Variants in CPXM2 observed in about 807,000 individuals in gnomAD.
The protein encoded by CPXM2 is carboxypeptidase X, M14 family member 2, also known as inactive carboxypeptidase-like protein X2.
A neutral mutation model predicts 86.1 loss-of-function variants in CPXM2; 66 were observed. The ratio of observed to expected loss-of-function variants is 0.77; its 90% CI spans 0.63 to 0.94. The LOEUF is 0.94. CPXM2 is among the 40% of genes least tolerant of loss of function. The probability of loss-of-function intolerance (pLI) is 0.00; values close to 1 mark genes in which losing one functional copy is unlikely to be tolerated. For missense variants in CPXM2, 948 were observed against 1,026.3 expected (o/e 0.92, Z 1.04); for synonymous variants, 388 against 400.2 (o/e 0.97, Z 0.36).
chr10:123,787,044 C>T (rs1241111009), intron 6 of CPXM2, among the ~76,000 whole-genome samples: 1 of 152,102 alleles, frequency 6.6e-6, no homozygotes, highest in East Asian at 1.9e-4. Flanking sequence ...CCAGCTGGCC[C>T]AAAAACCGTG....
intron 4 of CPXM2, among the ~76,000 whole-genome samples, chr10:123,805,297 G>A (rs545442439): frequency 2.6e-5 from 4 of 151,900 alleles, no homozygotes; most frequent in Admixed American, 2.0e-4. Flanking sequence ...GCTTCTTGAG[G>A]TCACTGATTG....
intron 3 of CPXM2, among the ~76,000 whole-genome samples, chr10:123,851,736 T>C (rs1221272738): frequency 7.5e-6 from 1 of 132,588 alleles, no homozygotes; most frequent in East Asian, 2.2e-4. Context: ...GCCACTACAC[T>C]CCAGCCTGGG....
At chr10:123,938,952 C>A (rs1329048680) in intron 2 of CPXM2, among the ~76,000 whole-genome samples, 1 of 152,102 alleles carries the variant, frequency 6.6e-6, no homozygotes. Flanking sequence ...AGAGCTCCCA[C>A]CCTGCCAAGC....
At chr10:123,829,782 A>G (rs1177889777) in intron 4 of CPXM2, among the ~76,000 whole-genome samples, 1 of 152,186 alleles carries the variant, frequency 6.6e-6, no homozygotes, top group Non-Finnish European at 1.5e-5. Context: ...CACTATAATA[A>G]CCACAGCCAT....
intron 2 of CPXM2, among the ~76,000 whole-genome samples, chr10:123,915,438 G>T (rs570367856): frequency 1.3e-5 from 2 of 152,142 alleles, no homozygotes; most frequent in African/African-American, 4.8e-5. Context: ...GGCGCCTGTA[G>T]TCCCAGCTAT....
chr10:123,791,329 A>G (rs529412876), intron 6 of CPXM2, among the ~76,000 whole-genome samples: 93 of 152,306 alleles, frequency 6.1e-4, no homozygotes, highest in African/African-American at 2.2e-3. Flanking sequence ...AGGCAGGAGA[A>G]TCGCTTGAAT....
chr10:123,843,296 G>C, intron 3 of CPXM2: 1 of 455,448 alleles, frequency 2.2e-6, no homozygotes, highest in Non-Finnish European at 4.4e-6. Context: ...TAAAGTTTTT[G>C]CTCTGGAATT....
intron 4 of CPXM2, among the ~76,000 whole-genome samples, chr10:123,833,433 T>C (rs1229283549): frequency 1.3e-5 from 2 of 152,232 alleles, no homozygotes; most frequent in African/African-American, 4.8e-5. Flanking sequence ...GCCAGGCCTT[T>C]CCTGGGTGCC....
chr10:123,756,903 G>A lies in CPXM2; in HGVS notation c.1917+310C>T, dbSNP rs574321104. On this transcript the variant is annotated intron_variant, in intron 12 of 13. Transcript: ENST00000241305. ...CTGGTGTTTTGTGATGGCAGCCAGC[G>A]TAGACTGAGACGAGGGGCCTGGGCA... Among the ~76,000 whole-genome samples, 6 of 152,338 alleles carry A rather than the reference G, an allele frequency of 3.9e-5. No individual in the cohort carries two copies. In the East Asian group the frequency reaches 5.8e-4, roughly 15 times the overall value.
intron 2 of CPXM2, among the ~76,000 whole-genome samples, chr10:123,925,069 G>C (rs910924637): frequency 6.6e-6 from 1 of 151,914 alleles, no homozygotes; most frequent in Non-Finnish European, 1.5e-5. Flanking sequence ...TATGATTTAG[G>C]GGTAAAGTGT....
chr10:123,757,241 C>T lies in CPXM2; in HGVS notation c.1889G>A (p.Arg630Gln), dbSNP rs772474255. The change falls in exon 12 of 14, where the codon CGG becomes CAG. Residue 630 changes from arginine to glutamine, a missense_variant. Physicochemically the swap from Arg to Gln is conservative, Grantham distance 43. Transcript: ENST00000241305. ...CTCCATGAACACGATCAGAGATTCCCGGTTATTCTCCCACTCCTCGGGCAG... is the reference window on the plus strand; with the variant it reads ...CTCCATGAACACGATCAGAGATTCCTGGTTATTCTCCCACTCCTCGGGCAG... ...SQLPEEWENN[R>Q]ESLIVFMEQV... The T allele has an allele frequency of 3.7e-5, 59 of 1,613,954 alleles. No individual in the cohort carries two copies. The highest frequency in any genetic ancestry group is 5.5e-5 in the South Asian group (5 of 91,076).
intron 4 of CPXM2, among the ~76,000 whole-genome samples, chr10:123,815,927 G>C (rs552190671): frequency 6.4e-4 from 97 of 152,140 alleles, no homozygotes; most frequent in Admixed American, 5.9e-4. Context: ...TATTGATTTG[G>C]GCCACTAAGT....
intron 4 of CPXM2, among the ~76,000 whole-genome samples, chr10:123,833,297 A>T (rs1459172366): frequency 6.6e-6 from 1 of 152,118 alleles, no homozygotes; most frequent in African/African-American, 2.4e-5. Context: ...GGTGTAGGGA[A>T]CCCATGTGCT....
chr10:123,840,762 T>G (rs1421758298), intron 4 of CPXM2, among the ~76,000 whole-genome samples: 1 of 152,110 alleles, frequency 6.6e-6, no homozygotes, highest in South Asian at 2.1e-4. Context: ...CAGAGTAAAA[T>G]AGATGATGAG....
intron 11 of CPXM2, among the ~76,000 whole-genome samples, 182 bp downstream of exon 11, chr10:123,761,690 G>A (rs766873431): frequency 7.9e-5 from 12 of 152,292 alleles, no homozygotes; most frequent in South Asian, 4.1e-4. Flanking sequence ...TGAGACTGGG[G>A]CAAGGATGGA....
At chr10:123,854,390 AT>A (rs1848670760) in intron 3 of CPXM2, among the ~76,000 whole-genome samples, 1 of 119,716 alleles carries the variant, frequency 8.4e-6, no homozygotes, top group South Asian at 2.3e-4. Flanking sequence ...TATATAATAT[AT>A]ATATTATATA....
At chr10:123,895,767 G>A (rs945674991), upstream of CPXM2, among the ~76,000 whole-genome samples, 2 of 152,180 alleles carry the variant, frequency 1.3e-5, no homozygotes, top group East Asian at 3.9e-4. Context: ...CACACCAGTC[G>A]GGGGTAGTAA....
At chr10:123,821,421 G>A (rs969464625) in intron 4 of CPXM2, among the ~76,000 whole-genome samples, 1 of 152,216 alleles carries the variant, frequency 6.6e-6, no homozygotes, top group African/African-American at 2.4e-5. Flanking sequence ...TAGTAAGCCT[G>A]ACTGGCAAGA....
intron 2 of CPXM2, among the ~76,000 whole-genome samples, chr10:123,873,998 T>G (rs1295486394): frequency 6.6e-6 from 1 of 151,848 alleles, no homozygotes; most frequent in Non-Finnish European, 1.5e-5. Flanking sequence ...TAGCTGGGAC[T>G]ACAGGCATGC....
Sources: gnomAD v4.1 joint callset for allele counts (sites outside exome capture counted in the v4.1 genomes callset) on GRCh38, gnomAD v4.1.1 for gene constraint, MANE v1.5 for transcripts, NCBI Gene and HGNC (gene_info 2026-07-23, HGNC 2026-07-21) for gene names.